BABAM2: variants seen among roughly 807,000 people sequenced by gnomAD.
BABAM2 encodes BRISC and BRCA1 A complex member 2, also known as BRISC and BRCA1-A complex member 2.
BABAM2 carries 31 observed loss-of-function variants against 54.7 expected under a neutral mutation model. The observed-to-expected ratio is 0.57, with a 90% CI of 0.43 to 0.77. The LOEUF is 0.77. BABAM2 is among the 30% of genes least tolerant of loss of function. BABAM2 has a pLI of 0.00. For missense variants in BABAM2, 364 were observed against 455.8 expected, an observed-to-expected ratio of 0.80 and a Z score of 1.83; for synonymous variants, 167 against 162.9, an observed-to-expected ratio of 1.03 and a Z score of -0.19.
intron 4 of BABAM2, among the ~76,000 whole-genome samples, chr2:27,997,998 C>T (rs1200850926): frequency 6.6e-6 from 1 of 151,956 alleles, no homozygotes; most frequent in African/African-American, 2.4e-5. Context: ...ACTAAAAATA[C>T]AAAAATTAGC....
chr2:28,051,651 G>T (rs1558688225), intron 6 of BABAM2, among the ~76,000 whole-genome samples: 1 of 151,708 alleles, frequency 6.6e-6, no homozygotes, highest in African/African-American at 2.4e-5. Context: ...AGGTCAAGGT[G>T]TGTTTTTTTT....
intron 7 of BABAM2, among the ~76,000 whole-genome samples, chr2:28,156,030 A>C (rs1281924715): frequency 6.6e-6 from 1 of 152,228 alleles, no homozygotes; most frequent in African/African-American, 2.4e-5. Flanking sequence ...ATTTGTTAAT[A>C]AAATTATGGT....
intron 7 of BABAM2, among the ~76,000 whole-genome samples, chr2:28,130,949 C>T (rs906688443): frequency 6.6e-6 from 1 of 152,050 alleles, no homozygotes; most frequent in African/African-American, 2.4e-5. Context: ...CCATGTTGGC[C>T]AAGCTGGTCT....
intron 7 of BABAM2, among the ~76,000 whole-genome samples, chr2:28,193,579 T>A (rs2147928357): frequency 6.6e-6 from 1 of 152,066 alleles, no homozygotes; most frequent in South Asian, 2.1e-4. Flanking sequence ...ATACAAGGAG[T>A]TGTTATTTCT....
intron 10 of BABAM2, among the ~76,000 whole-genome samples, chr2:28,290,009 A>G (rs1471284284): frequency 6.6e-6 from 1 of 152,016 alleles, no homozygotes; most frequent in Non-Finnish European, 1.5e-5. Flanking sequence ...GCATGTTTTT[A>G]TACTTTAATT....
At chr2:28,202,748 A>C (rs1372241817) in intron 7 of BABAM2, among the ~76,000 whole-genome samples, 2 of 152,228 alleles carry the variant, frequency 1.3e-5, no homozygotes, top group African/African-American at 4.8e-5. Flanking sequence ...CAGGACTCTC[A>C]TCCTTTCTTT....
At chr2:27,952,164 C>G (rs75438569) in intron 3 of BABAM2, among the ~76,000 whole-genome samples, 1,775 of 152,288 alleles carry the variant, frequency 0.012, 16 homozygotes, top group Non-Finnish European at 0.019. Flanking sequence ...CACGGTACAT[C>G]TTTTCCATTG....
intron 11 of BABAM2, among the ~76,000 whole-genome samples, chr2:28,331,996 G>C (rs1409219476): frequency 6.6e-6 from 1 of 152,146 alleles, no homozygotes; most frequent in Non-Finnish European, 1.5e-5. Context: ...AAAAAGCAAG[G>C]AGATCATGTC....
At position 28,231,840 on chromosome 2, in the gene BABAM2, A is replaced by G. The variant is rs376785237; in HGVS notation, c.681-5362A>G. 1.7e-4 allele frequency among the ~76,000 whole-genome samples: 21 copies of G among 126,702 alleles called. 1 individual carries two copies. The highest frequency in any genetic ancestry group is 3.7e-4 in the African/African-American group (12 of 32,534). The allele number at this position is 126,702 out of a possible 152,430, so 83.1% of individuals were successfully genotyped here. A position where few individuals can be genotyped will look rare whatever the true frequency, so the allele number is the denominator to read the frequency against. On this transcript the variant is annotated intron_variant, in intron 7 of 11. Coordinates refer to ENST00000379624, the MANE Select transcript of BABAM2 (RefSeq NM_199191.3). ...TTTTTTTTTAAGAGACAGAGTCCCA[A>G]TCAGTCACCCAGGCTAGAGTGCAGT...
intron 6 of BABAM2, among the ~76,000 whole-genome samples, chr2:28,106,194 A>G (rs1016889489): frequency 3.9e-5 from 6 of 152,216 alleles, no homozygotes; most frequent in Non-Finnish European, 8.8e-5. Context: ...TACTACTACC[A>G]TCCAATTCTA....
intron 11 of BABAM2, among the ~76,000 whole-genome samples, chr2:28,334,783 G>C (rs1054883761): frequency 6.6e-6 from 1 of 152,228 alleles, no homozygotes; most frequent in African/African-American, 2.4e-5. Flanking sequence ...TGTCCCATGC[G>C]AGTGTGGCAT....
At chr2:28,256,693 CTT>C (rs34881415) in intron 10 of BABAM2, among the ~76,000 whole-genome samples, 7 of 122,796 alleles carry the variant, frequency 5.7e-5, no homozygotes, top group Non-Finnish European at 3.3e-5. Flanking sequence ...TGGCTCACTT[CTT>C]TTTTTTTTTT....
chr2:28,107,311 A>G (rs1183148676), intron 6 of BABAM2, among the ~76,000 whole-genome samples: 1 of 152,174 alleles, frequency 6.6e-6, no homozygotes, highest in Admixed American at 6.5e-5. Flanking sequence ...CTCGTAGAAT[A>G]CTGTAAAACA....
In BABAM2 at chr2:28,270,488, A is replaced by T. The variant is rs865999787; in HGVS notation, c.934+25626A>T. Among the ~76,000 whole-genome samples, 5 of 152,346 alleles carry T rather than the reference A, an allele frequency of 3.3e-5. No individual in the cohort carries two copies. The Middle Eastern group carries it at 0.017, about 518-fold the overall frequency. On this transcript the variant is annotated intron_variant, in intron 10 of 11. Coordinates refer to ENST00000379624, the MANE Select transcript of BABAM2 (RefSeq NM_199191.3). ...AGGCCTAGGAACAAGCTCTTTAAGT[A>T]GTGGTGTCTGGCACCTATGTGCACA...
At chr2:28,299,738 C>T (rs1482152068) in intron 11 of BABAM2, among the ~76,000 whole-genome samples, 1 of 152,032 alleles carries the variant, frequency 6.6e-6, no homozygotes, top group East Asian at 1.9e-4. Flanking sequence ...TTTCAAAGTA[C>T]CTACTAACAA....
intron 6 of BABAM2, among the ~76,000 whole-genome samples, chr2:28,080,913 G>T (rs892834858): frequency 1.4e-4 from 22 of 152,104 alleles, no homozygotes; most frequent in African/African-American, 5.1e-4. Context: ...AAGTGTTGTG[G>T]TAATAATGTG....
At chr2:28,050,904 G>C (rs946511259) in intron 6 of BABAM2, among the ~76,000 whole-genome samples, 1 of 152,146 alleles carries the variant, frequency 6.6e-6, no homozygotes, top group Non-Finnish European at 1.5e-5. Context: ...TGGGAAGTAG[G>C]TAGTAATCTA....
chr2:27,945,812 TG>T (rs1424582239), intron 3 of BABAM2, among the ~76,000 whole-genome samples: 3 of 151,916 alleles, frequency 2.0e-5, no homozygotes, highest in Non-Finnish European at 2.9e-5. Flanking sequence ...TTTTTTTTTT[TG>T]AACTTTGTTT....
chr2:28,265,435 T>C (rs1573962604), intron 10 of BABAM2, among the ~76,000 whole-genome samples: 1 of 151,920 alleles, frequency 6.6e-6, no homozygotes, highest in South Asian at 2.1e-4. Flanking sequence ...TCAAAATAAA[T>C]AAATAAATAG....
Sources: gnomAD v4.1 joint callset for allele counts (sites outside exome capture counted in the v4.1 genomes callset) on GRCh38, gnomAD v4.1.1 for gene constraint, MANE v1.5 for transcripts, NCBI Gene and HGNC (gene_info 2026-07-23, HGNC 2026-07-21) for gene names.